TAF1B: variants seen among roughly 807,000 people sequenced by gnomAD.
TAF1B encodes the protein TATA-box binding protein associated factor, RNA polymerase I subunit B, also known as TATA box-binding protein-associated factor RNA polymerase I subunit B.
A neutral mutation model predicts 83.9 loss-of-function variants in TAF1B; 61 were observed. That is an observed-to-expected ratio of 0.73 (90% CI 0.59 to 0.90). The LOEUF (loss-of-function observed/expected upper bound fraction) is 0.90, where lower values mean the gene tolerates loss of function less well. TAF1B is among the 40% of genes least tolerant of loss of function. The pLI is 0.00. For missense variants in TAF1B, 625 were observed against 677.0 expected (o/e 0.92, Z 0.85); for synonymous variants, 221 against 224.6 (o/e 0.98, Z 0.14).
intron 5 of TAF1B, among the ~76,000 whole-genome samples, chr2:9,861,135 G>A (rs1373374835): frequency 2.6e-5 from 4 of 152,266 alleles, no homozygotes; most frequent in Admixed American, 6.5e-5. Context: ...TGCATGAGCC[G>A]AAGCAGGGCG....
At chr2:9,873,410 C>T (rs1354636210) in intron 6 of TAF1B, among the ~76,000 whole-genome samples, 1 of 152,046 alleles carries the variant, frequency 6.6e-6, no homozygotes, top group Non-Finnish European at 1.5e-5. Context: ...GCTTTTCTAC[C>T]CTTACTCCTT....
intron 14 of TAF1B, among the ~76,000 whole-genome samples, chr2:9,929,753 A>G (rs1448120671): frequency 6.6e-6 from 1 of 152,144 alleles, no homozygotes; most frequent in Non-Finnish European, 1.5e-5. Context: ...ATAGTTTCAG[A>G]AGGAATGGTA....
intron 8 of TAF1B, among the ~76,000 whole-genome samples, chr2:9,899,607 G>T (rs761158984): frequency 6.6e-6 from 1 of 152,164 alleles, no homozygotes; most frequent in African/African-American, 2.4e-5. Context: ...AGTGCAATTA[G>T]TGGATCATAT....
chr2:9,870,645 AGCTCTTT>A (rs1019524574), intron 6 of TAF1B, among the ~76,000 whole-genome samples: 29 of 152,110 alleles, frequency 1.9e-4, no homozygotes, highest in African/African-American at 6.3e-4. Context: ...ATTCTGTTTT[AGCTCTTT>A]CACACATTCC....
At chr2:9,879,117 C>G (rs1664414273) in intron 7 of TAF1B, among the ~76,000 whole-genome samples, 1 of 152,180 alleles carries the variant, frequency 6.6e-6, no homozygotes, top group Non-Finnish European at 1.5e-5. Context: ...ACCCTATATA[C>G]ACTATGTTTT....
At chr2:9,923,740 G>A (rs1279578735) in intron 14 of TAF1B, among the ~76,000 whole-genome samples, 7 of 152,184 alleles carry the variant, frequency 4.6e-5, no homozygotes, top group Admixed American at 4.6e-4. Context: ...GGAAAGGCCA[G>A]AACCCCAACC....
At position 9,919,733 on chromosome 2, in the gene TAF1B, G is replaced by T; in HGVS notation, c.1478G>T (p.Ser493Ile). 6.2e-7 allele frequency: 1 copy of T among 1,614,190 alleles called. No homozygotes were observed. The highest frequency in any genetic ancestry group is 8.5e-7 in the Non-Finnish European group (1 of 1,180,022). ...DTDRTCFHGH[S>I]LQGVLKEKGQ... is the part of the protein sequence containing the mutation. ...GATAGAACGTGTTTCCATGGACACA[G>T]CCTTCAGGGAGTCCTGAAAGAGAAA... The change falls in exon 14 of 15, where the codon AGC becomes ATC. Residue 493 changes from serine (S) to isoleucine (I), a missense_variant. Transcript: ENST00000263663.
intron 5 of TAF1B, among the ~76,000 whole-genome samples, chr2:9,855,509 A>G (rs1663535906): frequency 6.6e-6 from 1 of 151,948 alleles, no homozygotes; most frequent in Non-Finnish European, 1.5e-5. Flanking sequence ...TGAGACCCCA[A>G]CTCTACAAAA....
At chr2:9,903,528 A>C (rs1043078158) in intron 8 of TAF1B, among the ~76,000 whole-genome samples, 2 of 152,244 alleles carry the variant, frequency 1.3e-5, no homozygotes, top group Admixed American at 6.5e-5. Flanking sequence ...GCTAGACAGA[A>C]TATATTAATA....
chr2:9,846,348 G>A (rs6753379), intron 2 of TAF1B, among the ~76,000 whole-genome samples: 9,330 of 152,312 alleles, frequency 0.061, 311 homozygotes, highest in African/African-American at 0.074. Context: ...CATCACCAAA[G>A]TGATCAAGGG....
At chr2:9,851,472 G>C in intron 3 of TAF1B, 69 bp from the exon 4 acceptor site, 1 of 1,193,344 alleles carries the variant, frequency 8.4e-7, no homozygotes, top group Non-Finnish European at 1.2e-6. Flanking sequence ...AACACAAATT[G>C]TAACTGTAGT....
intron 1 of TAF1B, chr2:9,844,358 A>C (rs1011446877): frequency 6.6e-6 from 1 of 151,294 alleles, no homozygotes; most frequent in African/African-American, 2.4e-5. Context: ...GGGTCTCGCT[A>C]TGTTGTCCAG....
At chr2:9,847,084 G>C (rs1449380399) in intron 2 of TAF1B, among the ~76,000 whole-genome samples, 1 of 152,130 alleles carries the variant, frequency 6.6e-6, no homozygotes, top group African/African-American at 2.4e-5. Context: ...TTTTGATTTT[G>C]ATACTGTTTC....
At chr2:9,850,752 C>T (rs776558994) in intron 3 of TAF1B, among the ~76,000 whole-genome samples, 1 of 152,142 alleles carries the variant, frequency 6.6e-6, no homozygotes, top group Non-Finnish European at 1.5e-5. Flanking sequence ...ACAGACTTTT[C>T]CTTCAGCTCG....
At chr2:9,887,208 T>C (rs758622242) in intron 8 of TAF1B, among the ~76,000 whole-genome samples, 3 of 80,936 alleles carry the variant, frequency 3.7e-5, no homozygotes, top group Non-Finnish European at 7.5e-5. Context: ...ATCTAAACTG[T>C]TTCCTTCCTC....
At chr2:9,878,395 T>C (rs1664389293) in intron 7 of TAF1B, among the ~76,000 whole-genome samples, 1 of 152,248 alleles carries the variant, frequency 6.6e-6, no homozygotes, top group South Asian at 2.1e-4. Context: ...GCCCAGAGGA[T>C]TCTTATGGAT....
At chr2:9,884,323 G>A (rs414499) in intron 8 of TAF1B, among the ~76,000 whole-genome samples, 42,271 of 151,920 alleles carry the variant, frequency 0.28, 6,826 homozygotes, top group Middle Eastern at 0.4. Context: ...CCAAAGGACC[G>A]CAGCTCTTCT....
chr2:9,883,451 G>A lies in TAF1B; in HGVS notation c.807+646G>A, dbSNP rs527657619. Among the ~76,000 whole-genome samples, 348 of 152,300 alleles carry A rather than the reference G, an allele frequency of 2.3e-3. 2 individuals carry two copies. The highest frequency in any genetic ancestry group is 3.8e-3 in the Non-Finnish European group (257 of 68,022). ...GACCCTGACATTGTTGGCGGTGTAA[G>A]AGTCATTTGTTAAGTGCTGTTTAAT... On this transcript the variant is annotated intron_variant, in intron 8 of 14. Coordinates refer to ENST00000263663, the MANE Select transcript of TAF1B (RefSeq NM_005680.3).
chr2:9,921,505 T>A (rs1374789218), intron 14 of TAF1B, among the ~76,000 whole-genome samples: 1 of 152,210 alleles, frequency 6.6e-6, no homozygotes, highest in African/African-American at 2.4e-5. Context: ...ACTCCAAAAG[T>A]ATTTTTTGAG....
Sources: gnomAD v4.1 joint callset for allele counts (sites outside exome capture counted in the v4.1 genomes callset) on GRCh38, gnomAD v4.1.1 for gene constraint, MANE v1.5 for transcripts, NCBI Gene and HGNC (gene_info 2026-07-23, HGNC 2026-07-21) for gene names.